The following PPP2R3A variants were observed in gnomAD, a reference collection of about 807,000 sequenced individuals.
The protein encoded by PPP2R3A is serine/threonine-protein phosphatase 2A regulatory subunit B'' subunit alpha.
In PPP2R3A, 80 loss-of-function variants were observed where a neutral mutation model predicts 106.9. The observed-to-expected ratio is 0.75, with a 90% CI of 0.62 to 0.90. The LOEUF (loss-of-function observed/expected upper bound fraction) is 0.90, where lower values mean the gene tolerates loss of function less well. PPP2R3A is among the 40% of genes least tolerant of loss of function. The probability of loss-of-function intolerance (pLI) is 0.00; values close to 1 mark genes in which losing one functional copy is unlikely to be tolerated. For missense variants in PPP2R3A, 1,386 were observed against 1,350.4 expected (o/e 1.03, Z -0.41); for synonymous variants, 483 against 468.3 (o/e 1.03, Z -0.41).
intron 13 of PPP2R3A, among the ~76,000 whole-genome samples, chr3:136,131,181 G>T (rs1938399935): frequency 6.6e-6 from 1 of 152,156 alleles, no homozygotes; most frequent in East Asian, 1.9e-4. Flanking sequence ...AAACTAAAGA[G>T]CTTCTGCACA....
Position 136,115,232 on chromosome 3 carries a change from C to G in PPP2R3A, c.3329+8910C>G, listed in dbSNP as rs553344230. Among the ~76,000 whole-genome samples, 3 of 151,832 alleles carry G rather than the reference C, an allele frequency of 2.0e-5. No individual in the cohort carries two copies. In the East Asian group the frequency reaches 5.8e-4, roughly 29 times the overall value. ...AAGAATAGCATGTCTACTCAGAGACCCCATCCAAAGGTCACCAACACCAAA... is the reference window on the plus strand; with the variant it reads ...AAGAATAGCATGTCTACTCAGAGACGCCATCCAAAGGTCACCAACACCAAA... On this transcript the variant is annotated intron_variant, in intron 13 of 13. Transcript: ENST00000264977.
chr3:136,134,030 G>A (rs1192939983), intron 13 of PPP2R3A, among the ~76,000 whole-genome samples: 1 of 151,960 alleles, frequency 6.6e-6, no homozygotes, highest in African/African-American at 2.4e-5. Context: ...TAAATTGGCA[G>A]CAATTTTTAA....
chr3:135,998,471 A>G (rs1041756492), intron 1 of PPP2R3A, among the ~76,000 whole-genome samples: 27 of 152,324 alleles, frequency 1.8e-4, no homozygotes, highest in South Asian at 1.0e-3. Context: ...CATTTTTTTC[A>G]TCAATCAAAT....
chr3:136,090,772 A>G, intron 10 of PPP2R3A, 105 bp downstream of exon 10: 1 of 816,316 alleles, frequency 1.2e-6, no homozygotes, highest in Non-Finnish European at 2.0e-6. Flanking sequence ...ACGTGGCAAT[A>G]CTAAGATGAA....
chr3:135,966,143 G>C (rs191230986), intron 1 of PPP2R3A, among the ~76,000 whole-genome samples: 1,685 of 152,210 alleles, frequency 0.011, 34 homozygotes, highest in African/African-American at 0.039. Flanking sequence ...CGCGGAGGAG[G>C]GTAGGCGGGG....
At chr3:135,996,654 T>C (rs1933409775) in intron 1 of PPP2R3A, among the ~76,000 whole-genome samples, 2 of 152,360 alleles carry the variant, frequency 1.3e-5, no homozygotes, top group Non-Finnish European at 2.9e-5. Context: ...TACTTCTTTT[T>C]GTATTCTGGC....
chr3:136,142,994 C>T (rs1938938958), intron 13 of PPP2R3A, among the ~76,000 whole-genome samples: 1 of 152,180 alleles, frequency 6.6e-6, no homozygotes, highest in Non-Finnish European at 1.5e-5. Context: ...TCTCCTATTG[C>T]CTCCTTATCC....
chr3:136,065,548 G>GAA (rs1388849303), intron 5 of PPP2R3A, among the ~76,000 whole-genome samples: 1 of 152,094 alleles, frequency 6.6e-6, no homozygotes, highest in Non-Finnish European at 1.5e-5. Flanking sequence ...GTAATGATCA[G>GAA]AAATTAAGAA....
At chr3:136,094,594 A>G (rs1937173786) in intron 10 of PPP2R3A, among the ~76,000 whole-genome samples, 1 of 152,224 alleles carries the variant, frequency 6.6e-6, no homozygotes, top group Non-Finnish European at 1.5e-5. Flanking sequence ...AATGCTACAA[A>G]TAACGTATAC....
intron 12 of PPP2R3A, 39 bp from the exon 13 acceptor site, chr3:136,106,177 A>T: frequency 6.5e-7 from 1 of 1,542,380 alleles, no homozygotes; most frequent in Non-Finnish European, 8.9e-7. Flanking sequence ...TTTGTCTTTG[A>T]TTTTTTTTAT....
At chr3:136,060,218 C>G (rs939166178) in intron 5 of PPP2R3A, among the ~76,000 whole-genome samples, 1 of 152,170 alleles carries the variant, frequency 6.6e-6, no homozygotes, top group Non-Finnish European at 1.5e-5. Context: ...TTTGCAGCAA[C>G]ATGGATGAAT....
intron 6 of PPP2R3A, among the ~76,000 whole-genome samples, chr3:136,075,708 G>T (rs1936572629): frequency 6.6e-6 from 1 of 151,954 alleles, no homozygotes; most frequent in East Asian, 1.9e-4. Flanking sequence ...ATAATATAAA[G>T]TATTTGAGTA....
chr3:136,031,953 A>G (rs1192669385), intron 3 of PPP2R3A, among the ~76,000 whole-genome samples: 1 of 152,048 alleles, frequency 6.6e-6, no homozygotes, highest in Non-Finnish European at 1.5e-5. Context: ...CTCTAGATTT[A>G]TTCTTTTTGC....
At position 136,146,214 on chromosome 3, in the gene PPP2R3A, G is replaced by A. The variant is rs1939120248; in HGVS notation, c.*1048G>A. On this transcript the variant is annotated 3_prime_UTR_variant, in exon 14 of 14. Coordinates refer to ENST00000264977, the MANE Select transcript of PPP2R3A (RefSeq NM_002718.5). ...AAGAAAGCTGTTATTTACTGTAGTT[G>A]TAGATGTATTCACTACAGAATCCTA... is the stretch of plus-strand genomic sequence containing the variant. 6.6e-6 allele frequency: 1 copy of A among 152,190 alleles called. No homozygotes were observed. The highest frequency in any genetic ancestry group is 2.4e-5 in the African/African-American group (1 of 41,440). 9.4% of individuals were successfully genotyped at this position (152,190 alleles called of 1,614,324 possible).
At chr3:136,089,251 AT>A (rs1937033413) in intron 9 of PPP2R3A, among the ~76,000 whole-genome samples, 1 of 152,118 alleles carries the variant, frequency 6.6e-6, no homozygotes, top group South Asian at 2.1e-4. Context: ...TTGTGAATTA[AT>A]TTTTTATATG....
intron 10 of PPP2R3A, among the ~76,000 whole-genome samples, chr3:136,095,405 T>C (rs1937193371): frequency 1.3e-5 from 2 of 152,232 alleles, no homozygotes; most frequent in African/African-American, 4.8e-5. Context: ...TGACTAGTAT[T>C]TTATATGTAA....
At chr3:136,038,679 T>A (rs1219717409) in intron 3 of PPP2R3A, among the ~76,000 whole-genome samples, 2 of 152,218 alleles carry the variant, frequency 1.3e-5, no homozygotes, top group African/African-American at 4.8e-5. Flanking sequence ...CAGACGATTC[T>A]TTCCCAGTAG....
intron 2 of PPP2R3A, among the ~76,000 whole-genome samples, chr3:136,005,358 C>T (rs1056668910): frequency 6.6e-6 from 1 of 152,126 alleles, no homozygotes; most frequent in African/African-American, 2.4e-5. Context: ...ATAAGGGATA[C>T]TCAGTCTGTA....
intron 5 of PPP2R3A, among the ~76,000 whole-genome samples, chr3:136,064,051 A>G (rs1936176361): frequency 6.6e-6 from 1 of 151,818 alleles, no homozygotes; most frequent in Non-Finnish European, 1.5e-5. Context: ...GATTAAGAAA[A>G]TGTGGCACAT....
Sources: allele counts gnomAD v4.1 joint callset (sites outside exome capture counted in the v4.1 genomes callset), GRCh38; gene constraint gnomAD v4.1.1; transcripts MANE v1.5; gene names NCBI Gene and HGNC (gene_info 2026-07-23, HGNC 2026-07-21).